DZANK1: variants seen among roughly 807,000 people sequenced by gnomAD.
DZANK1 encodes double zinc ribbon and ankyrin repeat domains 1, also known as double zinc ribbon and ankyrin repeat-containing protein 1.
In DZANK1, 91 loss-of-function variants were observed where a neutral mutation model predicts 94.5. That is an observed-to-expected ratio of 0.96 (90% CI 0.81 to 1.15). The LOEUF is 1.15. DZANK1 is among the 50% of genes most tolerant of loss of function. The pLI is 0.00. For missense variants in DZANK1, 903 were observed against 916.4 expected, an observed-to-expected ratio of 0.99 and a Z score of 0.19; for synonymous variants, 312 against 325.3, an observed-to-expected ratio of 0.96 and a Z score of 0.44.
intron 18 of DZANK1, 80 bp downstream of exon 18, chr20:18,390,299 A>C: frequency 7.2e-7 from 1 of 1,385,184 alleles, no homozygotes; most frequent in East Asian, 2.3e-5. Context: ...AGTATTGAAC[A>C]AAACTTTCAT....
exon 21 of DZANK1, chr20:18,384,364 G>A (rs774482973): frequency 3.4e-5 from 54 of 1,579,690 alleles, no homozygotes; most frequent in Middle Eastern, 2.2e-4. Context: ...AGCCATGCAC[G>A]TATTCTTAAA....
At chr20:18,420,661 A>C in intron 10 of DZANK1, 1 of 192,950 alleles carries the variant, frequency 5.2e-6, no homozygotes, top group East Asian at 1.2e-4. Flanking sequence ...TCAGCTTTCC[A>C]TTAATATCTG....
intron 13 of DZANK1, among the ~76,000 whole-genome samples, chr20:18,404,346 G>C (rs1600793937): frequency 6.6e-6 from 1 of 152,124 alleles, no homozygotes; most frequent in Admixed American, 6.5e-5. Context: ...TTAATGGCTA[G>C]GTGTGGTCAG....
chr20:18,458,104 T>C (rs192123772), intron 3 of DZANK1, among the ~76,000 whole-genome samples: 19 of 152,364 alleles, frequency 1.2e-4, no homozygotes, highest in Non-Finnish European at 2.8e-4. Context: ...TTCTTCAGTG[T>C]TCTTTGTCTG....
rs142965429 is a variant in DZANK1, at chr20:18,452,786, C to T, written c.476-104G>A. ...TATTCTTTGAGCATCTGTAATTATA[C>T]ATAATCATACAAAGATATCTTCACA... On this transcript the variant is annotated intron_variant, in intron 5 of 20. Coordinates refer to ENST00000262547, the Ensembl canonical transcript of DZANK1. 5,778 of 1,501,480 alleles carry T rather than the reference C, an allele frequency of 3.8e-3. 109 individuals carry two copies. In the South Asian group the frequency reaches 0.04, roughly 10 times the overall value. The allele number at this position is 1,501,480 out of a possible 1,614,324, so 93.0% of individuals were successfully genotyped here.
At chr20:18,424,134 A>C (rs2057919186) in intron 10 of DZANK1, among the ~76,000 whole-genome samples, 1 of 152,172 alleles carries the variant, frequency 6.6e-6, no homozygotes, top group African/African-American at 2.4e-5. Context: ...AATGGTAAAA[A>C]GGGAATATCA....
intron 10 of DZANK1, chr20:18,420,718 G>T: frequency 5.6e-6 from 1 of 177,784 alleles, no homozygotes; most frequent in East Asian, 1.5e-4. Flanking sequence ...GCATCCTCTT[G>T]GCTTTGAGAC....
At chr20:18,397,713 T>C (rs1181619201) in intron 14 of DZANK1, among the ~76,000 whole-genome samples, 1 of 151,800 alleles carries the variant, frequency 6.6e-6, no homozygotes, top group Non-Finnish European at 1.5e-5. Flanking sequence ...TGGCTAGAGG[T>C]GGTTGGATGT....
At chr20:18,460,628 C>T (rs1045145015) in intron 2 of DZANK1, among the ~76,000 whole-genome samples, 2 of 151,972 alleles carry the variant, frequency 1.3e-5, no homozygotes, top group Non-Finnish European at 2.9e-5. Flanking sequence ...ACTCAGGAGG[C>T]TGAGGCAGGA....
intron 14 of DZANK1, among the ~76,000 whole-genome samples, chr20:18,397,619 A>T (rs2056418491): frequency 2.6e-5 from 4 of 152,164 alleles, no homozygotes; most frequent in Admixed American, 2.6e-4. Flanking sequence ...CCACCACTTT[A>T]TTATGCTATG....
chr20:18,405,654 C>T (rs762356736), intron 13 of DZANK1, among the ~76,000 whole-genome samples: 3 of 152,230 alleles, frequency 2.0e-5, no homozygotes, highest in Non-Finnish European at 4.4e-5. Flanking sequence ...AAGCCTACAT[C>T]ATTCATCCTC....
At chr20:18,451,071 G>C (rs1367627974) in intron 6 of DZANK1, among the ~76,000 whole-genome samples, 2 of 151,914 alleles carry the variant, frequency 1.3e-5, no homozygotes, top group Non-Finnish European at 2.9e-5. Context: ...TCAGCCTCCC[G>C]AGTAGCTGGG....
exon 21 of DZANK1, chr20:18,384,366 A>G: frequency 3.2e-6 from 5 of 1,583,516 alleles, no homozygotes; most frequent in Non-Finnish European, 4.3e-6. Flanking sequence ...CCATGCACGT[A>G]TTCTTAAATG....
intron 9 of DZANK1, chr20:18,433,396 G>T: frequency 2.6e-6 from 1 of 382,194 alleles, no homozygotes. Flanking sequence ...ATAAAAATTA[G>T]CCATGCGTGG....
intron 17 of DZANK1, 121 bp from the exon 18 acceptor site, chr20:18,390,580 G>C: frequency 1.3e-6 from 1 of 799,358 alleles, no homozygotes; most frequent in Non-Finnish European, 2.1e-6. Flanking sequence ...GTGTGCATGT[G>C]TGAGTGTGTG....
intron 13 of DZANK1, among the ~76,000 whole-genome samples, chr20:18,402,100 C>G (rs74842768): frequency 0.023 from 3,550 of 152,226 alleles, 144 homozygotes; most frequent in African/African-American, 0.081. Context: ...TCTGGCATGG[C>G]AGCCTAGGGA....
intron 3 of DZANK1, among the ~76,000 whole-genome samples, chr20:18,457,560 A>T (rs960247498): frequency 3.9e-5 from 6 of 152,200 alleles, no homozygotes; most frequent in African/African-American, 1.4e-4. Flanking sequence ...AGAGCTAGGT[A>T]TAGGGGTGTC....
At chr20:18,438,218 C>CAAAAAAAAAAAAAAAA (rs761846698) in intron 8 of DZANK1, among the ~76,000 whole-genome samples, 8 of 57,720 alleles carry the variant, frequency 1.4e-4, no homozygotes, top group East Asian at 5.1e-4. Flanking sequence ...GACTCTGTCT[C>CAAAAAAAAAAAAAAAA]AAAAAAAAAA....
chr20:18,397,604 A>C (rs2056417393), intron 14 of DZANK1, among the ~76,000 whole-genome samples: 1 of 152,198 alleles, frequency 6.6e-6, no homozygotes, highest in Non-Finnish European at 1.5e-5. Context: ...AGTGAAATTA[A>C]ACCACCACCA....
Sources: allele counts gnomAD v4.1 joint callset (sites outside exome capture counted in the v4.1 genomes callset), GRCh38; gene constraint gnomAD v4.1.1; transcripts MANE v1.5; gene names NCBI Gene and HGNC (gene_info 2026-07-23, HGNC 2026-07-21).